Variants in HGD observed in about 807,000 individuals in gnomAD.
The protein encoded by HGD is homogentisate oxidase.
In HGD, 61 loss-of-function variants were observed where a neutral mutation model predicts 60.8. The ratio of observed to expected loss-of-function variants is 1.00; its 90% CI spans 0.82 to 1.24. The LOEUF (loss-of-function observed/expected upper bound fraction) is 1.24. Ranked by LOEUF, HGD falls within the 50% of genes most tolerant of loss-of-function variation. HGD has a pLI of 0.00. For synonymous variants in HGD, 212 were observed against 187.7 expected, an observed-to-expected ratio of 1.13 and a Z score of -1.06; for missense variants, 542 against 547.1, an observed-to-expected ratio of 0.99 and a Z score of 0.09.
intron 4 of HGD, among the ~76,000 whole-genome samples, chr3:120,664,271 T>G (rs1190364615): frequency 1.3e-5 from 2 of 152,088 alleles, no homozygotes; most frequent in South Asian, 2.1e-4. Context: ...GTGAGAGGGT[T>G]GGAGTCTGGG....
In HGD at chr3:120,674,956, C is replaced by G; in HGVS notation, c.121G>C (p.Ala41Pro). The G allele has an allele frequency of 6.2e-7, 1 of 1,611,986 alleles. No individual in the cohort carries two copies. Among genetic ancestry groups the G allele is most frequent in the Non-Finnish European group, 8.5e-7 (1 of 1,178,370 alleles). The change falls in exon 3 of 14, where the codon GCT becomes CCT. Residue 41 changes from alanine to proline, a missense_variant. Physicochemically the swap from Ala to Pro is conservative, Grantham distance 27 (BLOSUM62 -1). Coordinates refer to ENST00000283871, the MANE Select transcript of HGD (RefSeq NM_000187.4). ...NPQVCPYNLY[A>P]EQLSGSAFTC... ...AAAGCCGATCCTGAGAGCTGCTCAG[C>G]ATAGAGATTGTAGGGGCAGACCTGA...
intron 3 of HGD, among the ~76,000 whole-genome samples, chr3:120,674,066 T>C (rs1576318006): frequency 6.6e-6 from 1 of 152,188 alleles, no homozygotes; most frequent in East Asian, 1.9e-4. Flanking sequence ...ACTATCTCAT[T>C]TGCTTCTCAG....
rs769112916 is a variant in HGD at position 120,674,953 on chromosome 3, C to A, written c.124G>T (p.Glu42Ter). 4 of 1,612,036 alleles carry A rather than the reference C, an allele frequency of 2.5e-6. No homozygotes were observed. In the South Asian group the frequency reaches 4.4e-5, roughly 18 times the overall value. ...GTGAAAGCCGATCCTGAGAGCTGCT[C>A]AGCATAGAGATTGTAGGGGCAGACC... ...PQVCPYNLYA[E>*]QLSGSAFTCP... The change falls in exon 3 of 14, where the codon GAG becomes TAG. Residue 42 changes from glutamate (E) to a stop codon, truncating the protein, a stop_gained. Transcript: ENST00000283871. LOFTEE classifies it high-confidence loss of function.
intron 4 of HGD, among the ~76,000 whole-genome samples, chr3:120,668,849 C>T (rs1302954225): frequency 6.6e-6 from 1 of 152,068 alleles, no homozygotes; most frequent in Non-Finnish European, 1.5e-5. Context: ...TTTCTTCCTG[C>T]CCTACATACC....
intron 10 of HGD, among the ~76,000 whole-genome samples, chr3:120,643,893 T>C (rs1279866851): frequency 6.6e-6 from 1 of 152,250 alleles, no homozygotes. Context: ...GAATTGCTTG[T>C]ATTTGAAATA....
Position 120,674,456 on chromosome 3 carries a change from T to C in HGD, c.176+445A>G, listed in dbSNP as rs145707100. ...TATGTGACTTTTTAACTATCCAAACTTCGTTTACCCAACATTTTCTTGCAA... is the reference window on the plus strand; with the variant it reads ...TATGTGACTTTTTAACTATCCAAACCTCGTTTACCCAACATTTTCTTGCAA... On this transcript the variant is annotated intron_variant, in intron 3 of 13. Transcript: ENST00000283871. 752 of 201,268 alleles carry C rather than the reference T, an allele frequency of 3.7e-3. 10 individuals carry two copies. Among genetic ancestry groups the C allele is most frequent in the African/African-American group, 0.017 (721 of 43,274 alleles). The allele number at this position is 201,268 out of a possible 1,614,324, so 12.5% of individuals were successfully genotyped here.
At chr3:120,679,563 A>G (rs561159418) in intron 1 of HGD, among the ~76,000 whole-genome samples, 1 of 152,260 alleles carries the variant, frequency 6.6e-6, no homozygotes, top group East Asian at 1.9e-4. Context: ...ATAATTAAGG[A>G]TCTTGGGATG....
chr3:120,630,807 T>TAC (rs1940562652), intron 13 of HGD, among the ~76,000 whole-genome samples: 1 of 79,694 alleles, frequency 1.3e-5, no homozygotes, highest in Non-Finnish European at 2.4e-5. Flanking sequence ...TTTATATATA[T>TAC]ATATATATAT....
chr3:120,646,409 G>T, intron 8 of HGD, 43 bp from the exon 9 acceptor site: 2 of 1,284,368 alleles, frequency 1.6e-6, no homozygotes, highest in Non-Finnish European at 2.3e-6. Context: ...TGAAATCACA[G>T]CTGTAGTTAT....
At chr3:120,630,206 A>T in intron 13 of HGD, among the ~76,000 whole-genome samples, 1 of 152,232 alleles carries the variant, frequency 6.6e-6, no homozygotes, top group East Asian at 1.9e-4. Flanking sequence ...TATCCAAAGC[A>T]ATGTAAAGAT....
At chr3:120,639,452 C>T (rs1471133999) in intron 11 of HGD, among the ~76,000 whole-genome samples, 1 of 152,136 alleles carries the variant, frequency 6.6e-6, no homozygotes, top group African/African-American at 2.4e-5. Flanking sequence ...TGACTTTTTC[C>T]TCTTGCTGTG....
chr3:120,660,094 A>G (rs1941617989), intron 4 of HGD, among the ~76,000 whole-genome samples: 1 of 152,050 alleles, frequency 6.6e-6, no homozygotes, highest in South Asian at 2.1e-4. Flanking sequence ...TGCTCCTGCC[A>G]TCTGAGATAC....
chr3:120,636,066 T>C (rs1394250501), intron 12 of HGD, among the ~76,000 whole-genome samples: 1 of 146,304 alleles, frequency 6.8e-6, no homozygotes, highest in Non-Finnish European at 1.5e-5. Context: ...AGTTTAGGAG[T>C]TCAAGACCAG....
chr3:120,628,413 A>G lies in HGD; in HGVS notation c.1305T>C (p.Thr435=), dbSNP rs571129573. Residue 435 remains threonine, a synonymous_variant, in exon 14 of 14, where the codon ACT becomes ACC. Transcript: ENST00000283871. The stretch of plus-strand genomic sequence containing the variant: ...GTTCTGCTGGGTTCCTGGAGTTGGG[A>G]GTGAAGTGGCTCTTGAGTGGCTCCC... ...KCWEPLKSHF[T]PNSRNPAEPN 6.2e-6 allele frequency: 10 copies of G among 1,614,002 alleles called. No individual in the cohort carries two copies. In the South Asian group the frequency reaches 8.8e-5, roughly 14 times the overall value.
intron 10 of HGD, among the ~76,000 whole-genome samples, chr3:120,642,332 C>A (rs971816627): frequency 6.6e-6 from 1 of 152,102 alleles, no homozygotes; most frequent in East Asian, 1.9e-4. Flanking sequence ...CTCATAGAGG[C>A]GTGGTTAGGG....
intron 4 of HGD, among the ~76,000 whole-genome samples, chr3:120,659,816 T>C (rs1015318983): frequency 2.0e-5 from 3 of 152,320 alleles, no homozygotes; most frequent in Admixed American, 1.3e-4. Flanking sequence ...TGGCTCACAG[T>C]TCTGCAGGCT....
chr3:120,629,649 T>C (rs1338696357), intron 13 of HGD, among the ~76,000 whole-genome samples: 6 of 152,192 alleles, frequency 3.9e-5, no homozygotes, highest in Admixed American at 6.5e-5. Context: ...GAGCCACCTA[T>C]GACAAACCCA....
intron 11 of HGD, among the ~76,000 whole-genome samples, chr3:120,638,850 C>T (rs1940872664): frequency 6.6e-6 from 1 of 152,030 alleles, no homozygotes; most frequent in African/African-American, 2.4e-5. Flanking sequence ...TCCATAATCC[C>T]CACATGTTGT....
intron 9 of HGD, chr3:120,644,723 G>A: frequency 1.2e-6 from 1 of 834,916 alleles, no homozygotes; most frequent in Non-Finnish European, 1.8e-6. Flanking sequence ...CACTACAGGT[G>A]AGGGGAAGGG....
Sources: allele counts gnomAD v4.1 joint callset (sites outside exome capture counted in the v4.1 genomes callset), GRCh38; gene constraint gnomAD v4.1.1; transcripts MANE v1.5; gene names NCBI Gene and HGNC (gene_info 2026-07-23, HGNC 2026-07-21).